Variants in APAF1 observed in about 807,000 individuals in gnomAD.
The protein encoded by APAF1 is apoptotic protease-activating factor 1.
APAF1 carries 91 observed loss-of-function variants against 152.4 expected under a neutral mutation model. That is an observed-to-expected ratio of 0.60 (90% CI 0.50 to 0.71). The LOEUF is 0.71. Ranked by LOEUF, APAF1 falls within the 30% of genes least tolerant of loss-of-function variation. The probability of loss-of-function intolerance (pLI) is 0.00; values close to 1 mark genes in which losing one functional copy is unlikely to be tolerated. For synonymous variants in APAF1, 484 were observed against 494.1 expected (o/e 0.98, Z 0.27); for missense variants, 1,283 against 1,472.0 (o/e 0.87, Z 2.10).
chr12:98,665,020 AAACTTAATC>A (rs1166736587), intron 7 of APAF1, among the ~76,000 whole-genome samples: 1 of 151,756 alleles, frequency 6.6e-6, no homozygotes, highest in East Asian at 1.9e-4. Context: ...GAATATCCTT[AAACTTAATC>A]ATTCTTTTCT....
At chr12:98,720,565 G>C (rs1039653156) in intron 22 of APAF1, among the ~76,000 whole-genome samples, 2 of 152,162 alleles carry the variant, frequency 1.3e-5, no homozygotes, top group Non-Finnish European at 2.9e-5. Flanking sequence ...TGAACATTGA[G>C]GTCTACTTTG....
chr12:98,703,748 A>T (rs998099025), intron 18 of APAF1, among the ~76,000 whole-genome samples: 1 of 152,252 alleles, frequency 6.6e-6, no homozygotes, highest in Non-Finnish European at 1.5e-5. Context: ...TGAATGCCTA[A>T]CATGTGCCAG....
chr12:98,655,888 A>T (rs1209148488), intron 4 of APAF1, among the ~76,000 whole-genome samples: 2 of 151,170 alleles, frequency 1.3e-5, no homozygotes, highest in East Asian at 3.9e-4. Flanking sequence ...GGTTCACACC[A>T]TTCTCCTGCC....
chr12:98,652,871 CT>C (rs2097650712), intron 4 of APAF1, among the ~76,000 whole-genome samples: 1 of 152,186 alleles, frequency 6.6e-6, no homozygotes, highest in African/African-American at 2.4e-5. Flanking sequence ...GGTGATCCCC[CT>C]GCCTCGCCTC....
At chr12:98,715,267 T>TGC (rs1464917092) in intron 21 of APAF1, among the ~76,000 whole-genome samples, 160 bp from the exon 22 acceptor site, 2 of 115,424 alleles carry the variant, frequency 1.7e-5, no homozygotes, top group African/African-American at 6.2e-5. Flanking sequence ...TATATATATA[T>TGC]ATATATATAT....
At chr12:98,705,785 A>T (rs182654671) in intron 18 of APAF1, among the ~76,000 whole-genome samples, 1 of 152,218 alleles carries the variant, frequency 6.6e-6, no homozygotes, top group Non-Finnish European at 1.5e-5. Flanking sequence ...TGAAGGTTAG[A>T]TGACAGTATT....
intron 14 of APAF1, among the ~76,000 whole-genome samples, chr12:98,680,939 C>T (rs2097691603): frequency 6.6e-6 from 1 of 152,118 alleles, no homozygotes; most frequent in African/African-American, 2.4e-5. Context: ...TAAAATGCAA[C>T]CCCAATTTTT....
Position 98,649,351 on chromosome 12 carries a change from T to C in APAF1, c.329-136T>C, listed in dbSNP as rs930314448. On this transcript the variant is annotated intron_variant, in intron 3 of 26. Coordinates refer to ENST00000551964, the MANE Select transcript of APAF1 (RefSeq NM_181861.2). ...AGAAATCAGAAAATTGAAGTTAATA[T>C]GCTAGCCACATTTTCTTAACTTCTC... is the stretch of plus-strand genomic sequence containing the variant. 61 of 1,310,684 alleles carry C rather than the reference T, an allele frequency of 4.7e-5. 2 individuals carry two copies. The Middle Eastern group carries it at 7.6e-4, about 16-fold the overall frequency. 81.2% of individuals were successfully genotyped at this position (1,310,684 alleles called of 1,614,324 possible).
At chr12:98,652,539 G>A (rs1291418788) in intron 4 of APAF1, among the ~76,000 whole-genome samples, 1 of 151,548 alleles carries the variant, frequency 6.6e-6, no homozygotes, top group African/African-American at 2.4e-5. Flanking sequence ...TTCCATTGGG[G>A]TTTCCAATTT....
chr12:98,717,607 C>T (rs896583134), intron 22 of APAF1, among the ~76,000 whole-genome samples: 11 of 151,734 alleles, frequency 7.2e-5, no homozygotes, highest in Admixed American at 7.2e-4. Context: ...AACTCTGGAC[C>T]TCAGGTGATC....
rs756482718 is a variant in APAF1 at position 98,648,451 on chromosome 12, G to C, written c.92G>C (p.Ser31Thr). The change falls in exon 2 of 27, where the codon AGT (serine) becomes ACT (threonine). Residue 31 changes from serine (S) to threonine (T), a missense_variant. Transcript: ENST00000551964. ...KTSYIMDHMI[S>T]DGFLTISEEE... ...TCCTACATCATGGATCACATGATTA[G>C]TGATGGATTTTTAACAATATCAGAA... The C allele has an allele frequency of 2.5e-6, 4 of 1,613,626 alleles. No homozygotes were observed. The highest frequency in any genetic ancestry group is 1.1e-5 in the South Asian group (1 of 91,072).
rs2097679383 is a variant in APAF1, at chr12:98,670,951, T to TA, written c.1495-21dup. ...TTTTGATCTCTAACAGTGCTGCTGA[T>TA]ACTACTTTTTGTTTTTTAAAGGAAC... On this transcript the variant is annotated intron_variant, in intron 10 of 26. Transcript: ENST00000551964. 8 of 1,502,552 alleles carry TA rather than the reference T, an allele frequency of 5.3e-6. No individual in the cohort carries two copies. The African/African-American group carries it at 8.2e-5, about 15-fold the overall frequency. 93.1% of individuals were successfully genotyped at this position (1,502,552 alleles called of 1,614,324 possible).
At chr12:98,714,023 G>A (rs558342846) in intron 21 of APAF1, among the ~76,000 whole-genome samples, 2 of 152,148 alleles carry the variant, frequency 1.3e-5, no homozygotes, top group Non-Finnish European at 2.9e-5. Context: ...AGTACATCAT[G>A]GATATGTATT....
chr12:98,699,010 T>C (rs951229029), intron 16 of APAF1, among the ~76,000 whole-genome samples: 1 of 152,180 alleles, frequency 6.6e-6, no homozygotes, highest in African/African-American at 2.4e-5. Context: ...GTAGTCTTCC[T>C]GCTGTGCATG....
Position 98,734,100 on chromosome 12 carries a change from A to G in APAF1, c.*1534A>G, listed in dbSNP as rs773089739. 27 of 152,202 alleles carry G rather than the reference A, an allele frequency of 1.8e-4. No homozygotes were observed. The highest frequency in any genetic ancestry group is 2.8e-4 in the Non-Finnish European group (19 of 68,034). 9.4% of individuals were successfully genotyped at this position (152,202 alleles called of 1,614,324 possible). A position where few individuals can be genotyped will look rare whatever the true frequency, so the allele number is the denominator to read the frequency against. On this transcript the variant is annotated 3_prime_UTR_variant, in exon 27 of 27. Transcript: ENST00000551964. ...TACTTTTAGATGAATGGCATTGTGA[A>G]TGCCATTCTTTTAATGAATTTCAAG...
chr12:98,658,198 A>T (rs934834559), intron 4 of APAF1, among the ~76,000 whole-genome samples: 1 of 152,082 alleles, frequency 6.6e-6, no homozygotes, highest in African/African-American at 2.4e-5. Context: ...ATGTATATTT[A>T]TGTGGAGGTG....
chr12:98,669,029 G>T (rs879532747), intron 10 of APAF1, among the ~76,000 whole-genome samples: 2 of 152,040 alleles, frequency 1.3e-5, no homozygotes, highest in Non-Finnish European at 2.9e-5. Context: ...TTATTTCTTG[G>T]TTATGATACA....
rs1278030292 is a variant in APAF1 at position 98,645,818 on chromosome 12, C to T, written c.-59C>T. The T allele has an allele frequency of 6.6e-6, 1 of 152,284 alleles. No homozygotes were observed. The highest frequency in any genetic ancestry group is 6.5e-5 in the Admixed American group (1 of 15,292). 9.4% of individuals were successfully genotyped at this position (152,284 alleles called of 1,614,324 possible). A position where few individuals can be genotyped will look rare whatever the true frequency, so the allele number is the denominator to read the frequency against. ...GCAGTGCCGCCCTCCCCACTAAGACCTAGGCGCAAAGGCTTGGGTAAGTTG... is the reference window on the plus strand; with the variant it reads ...GCAGTGCCGCCCTCCCCACTAAGACTTAGGCGCAAAGGCTTGGGTAAGTTG... On this transcript the variant is annotated 5_prime_UTR_variant, in exon 1 of 27. Transcript: ENST00000551964.
chr12:98,666,639 C>T (rs571207339), intron 9 of APAF1, among the ~76,000 whole-genome samples: 36 of 152,080 alleles, frequency 2.4e-4, no homozygotes, highest in South Asian at 6.2e-4. Context: ...CATTTTTTTC[C>T]GTCTCCTCAA....
Sources: allele counts gnomAD v4.1 joint callset (sites outside exome capture counted in the v4.1 genomes callset), GRCh38; gene constraint gnomAD v4.1.1; transcripts MANE v1.5; gene names NCBI Gene and HGNC (gene_info 2026-07-23, HGNC 2026-07-21).